Variants in SHISAL2B observed in about 807,000 individuals in gnomAD.
SHISAL2B encodes protein shisa-like-2B.
SHISAL2B carries 12 observed loss-of-function variants against 16.5 expected under a neutral mutation model. That is an observed-to-expected ratio of 0.73 (90% CI 0.47 to 1.18). The LOEUF (loss-of-function observed/expected upper bound fraction) is 1.18. SHISAL2B is among the 50% of genes most tolerant of loss of function. The probability of loss-of-function intolerance (pLI) is 0.00; values close to 1 mark genes in which losing one functional copy is unlikely to be tolerated. For synonymous variants in SHISAL2B, 72 were observed against 75.0 expected, an observed-to-expected ratio of 0.96 and a Z score of 0.21; for missense variants, 183 against 193.6, an observed-to-expected ratio of 0.95 and a Z score of 0.33.
intron 2 of SHISAL2B, among the ~76,000 whole-genome samples, chr5:64,706,063 G>A (rs1219370393): frequency 6.6e-6 from 1 of 152,198 alleles, no homozygotes; most frequent in African/African-American, 2.4e-5. Flanking sequence ...TGGGAGGCAA[G>A]GCAGGAGAAT....
chr5:64,694,524 G>A (rs927375586), intron 1 of SHISAL2B, among the ~76,000 whole-genome samples: 54 of 152,332 alleles, frequency 3.5e-4, no homozygotes, highest in African/African-American at 1.3e-3. Flanking sequence ...ATTAGACTTA[G>A]AGGTAACTGC....
chr5:64,714,649 C>A (rs1742015189), intron 2 of SHISAL2B, among the ~76,000 whole-genome samples: 1 of 152,170 alleles, frequency 6.6e-6, no homozygotes, highest in South Asian at 2.1e-4. Flanking sequence ...CTGGCTGCCG[C>A]CTTGCAGTTT....
intron 2 of SHISAL2B, among the ~76,000 whole-genome samples, chr5:64,708,621 T>C (rs1037809615): frequency 3.3e-5 from 5 of 152,192 alleles, no homozygotes; most frequent in Non-Finnish European, 7.4e-5. Context: ...AAACCTTGTA[T>C]ATTATTTGTT....
Position 64,690,802 on chromosome 5 carries a change from T to A in SHISAL2B, c.179T>A (p.Met60Lys), listed in dbSNP as rs772968495. The A allele has an allele frequency of 1.0e-4, 156 of 1,534,604 alleles. No homozygotes were observed. Among genetic ancestry groups the A allele is most frequent in the Non-Finnish European group, 1.2e-4 (142 of 1,146,618 alleles). Reference protein sequence around the residue: ...GSYFPYKHSYMWSLSIGALIG... With the variant: ...GSYFPYKHSYKWSLSIGALIG... ...TACTTCCCCTACAAGCACAGCTACA[T>A]GTGGAGCCTCAGGTGGGCTGAGAGC... The change falls in exon 1 of 3, where the codon ATG becomes AAG. Residue 60 changes from methionine to lysine, a missense_variant. Transcript: ENST00000389074.
intron 2 of SHISAL2B, among the ~76,000 whole-genome samples, chr5:64,697,233 CTA>C (rs902817381): frequency 6.6e-6 from 1 of 152,136 alleles, no homozygotes; most frequent in African/African-American, 2.4e-5. Context: ...TTGCATGACT[CTA>C]TATTGGCTAG....
At chr5:64,708,841 A>G (rs1356777919) in intron 2 of SHISAL2B, among the ~76,000 whole-genome samples, 1 of 152,154 alleles carries the variant, frequency 6.6e-6, no homozygotes, top group Non-Finnish European at 1.5e-5. Context: ...CATGTTTACA[A>G]GTAGAATATT....
Position 64,695,484 on chromosome 5 carries a change from T to G in SHISAL2B, c.192-23T>G, listed in dbSNP as rs1297267140. 3 of 1,512,254 alleles carry G rather than the reference T, an allele frequency of 2.0e-6. No individual in the cohort carries two copies. In the East Asian group the frequency reaches 7.4e-5, roughly 37 times the overall value. 93.7% of individuals were successfully genotyped at this position (1,512,254 alleles called of 1,614,324 possible). A position where few individuals can be genotyped will look rare whatever the true frequency, so the allele number is the denominator to read the frequency against. ...AGTGTGAACCACTTTGTGTGACACA[T>G]ATTTTTTTTCTGTTTTCCTCAGCAT... On this transcript the variant is annotated intron_variant, in intron 1 of 2. Coordinates refer to ENST00000389074, the MANE Select transcript of SHISAL2B (RefSeq NM_001164442.2).
At chr5:64,692,918 T>G (rs948194790) in intron 1 of SHISAL2B, among the ~76,000 whole-genome samples, 1 of 152,186 alleles carries the variant, frequency 6.6e-6, no homozygotes, top group African/African-American at 2.4e-5. Context: ...TAATAAGTAT[T>G]TATTGAAATG....
chr5:64,712,524 G>T (rs928734392), intron 2 of SHISAL2B, among the ~76,000 whole-genome samples: 2 of 150,796 alleles, frequency 1.3e-5, no homozygotes, highest in African/African-American at 2.4e-5. Flanking sequence ...TGTTGATTTG[G>T]GGTGGAGAGT....
intron 2 of SHISAL2B, among the ~76,000 whole-genome samples, chr5:64,704,241 T>C (rs1741847306): frequency 6.6e-6 from 1 of 152,218 alleles, no homozygotes; most frequent in Non-Finnish European, 1.5e-5. Context: ...AACATTCTTT[T>C]GATATTTTGA....
At chr5:64,695,480 C>G in intron 1 of SHISAL2B, 27 bp from the exon 2 acceptor site, 1 of 1,505,962 alleles carries the variant, frequency 6.6e-7, no homozygotes, top group Non-Finnish European at 8.9e-7. Context: ...CTTTGTGTGA[C>G]ACATATTTTT....
At chr5:64,692,560 C>T (rs1741665897) in intron 1 of SHISAL2B, among the ~76,000 whole-genome samples, 1 of 152,192 alleles carries the variant, frequency 6.6e-6, no homozygotes, top group Non-Finnish European at 1.5e-5. Context: ...TCTTTGCTCT[C>T]CACTCCTAAT....
chr5:64,691,824 A>G (rs895389522), intron 1 of SHISAL2B, among the ~76,000 whole-genome samples: 5 of 152,270 alleles, frequency 3.3e-5, no homozygotes, highest in Admixed American at 3.3e-4. Context: ...GTACATATTC[A>G]TTAGTTTATG....
chr5:64,697,643 A>G (rs1741757486), intron 2 of SHISAL2B, among the ~76,000 whole-genome samples: 1 of 152,094 alleles, frequency 6.6e-6, no homozygotes, highest in Non-Finnish European at 1.5e-5. Context: ...TATAAATGGA[A>G]TTTATCAAGA....
chr5:64,714,889 C>A (rs1742021534), intron 2 of SHISAL2B, among the ~76,000 whole-genome samples: 1 of 152,218 alleles, frequency 6.6e-6, no homozygotes, highest in African/African-American at 2.4e-5. Context: ...ATGCCTCGCC[C>A]TGCTTCAGCT....
At position 64,695,197 on chromosome 5, in the gene SHISAL2B, G is replaced by A. The variant is rs143821992; in HGVS notation, c.192-310G>A. On this transcript the variant is annotated intron_variant, in intron 1 of 2. Transcript: ENST00000389074. ...CGAGAATCACTTGAGCTCTGGAGGC[G>A]GAGGTTGCAGTGATCCAAGATTGTG... Among the ~76,000 whole-genome samples, 677 of 151,992 alleles carry A rather than the reference G, an allele frequency of 4.5e-3. 6 individuals are homozygous for A. Among genetic ancestry groups the A allele is most frequent in the African/African-American group, 0.016 (659 of 41,434 alleles).
chr5:64,712,293 T>G (rs1443194366), intron 2 of SHISAL2B, among the ~76,000 whole-genome samples: 140 of 152,242 alleles, frequency 9.2e-4, no homozygotes, highest in Non-Finnish European at 1.9e-4. Flanking sequence ...CATTTCGTTA[T>G]GTACCCAGTA....
At position 64,690,764 on chromosome 5, in the gene SHISAL2B, C is replaced by A. The variant is rs887027522; in HGVS notation, c.141C>A (p.Ser47Arg). 2 of 1,543,444 alleles carry A rather than the reference C, an allele frequency of 1.3e-6. No individual in the cohort carries two copies. Among genetic ancestry groups the A allele is most frequent in the African/African-American group, 1.4e-5 (1 of 72,872 alleles). Reference protein sequence around the residue: ...CGFADLKYCCSEPGSYFPYKH... With the variant: ...CGFADLKYCCREPGSYFPYKH... Reference sequence around the variant, plus strand: ...TCGCCGACCTCAAGTACTGCTGCAGCGAGCCGGGCAGCTACTTCCCCTACA... The same window carrying A: ...TCGCCGACCTCAAGTACTGCTGCAGAGAGCCGGGCAGCTACTTCCCCTACA... Residue 47 changes from serine (S) to arginine (R), a missense_variant, in exon 1 of 3, where the codon AGC becomes AGA. Transcript: ENST00000389074.
intron 2 of SHISAL2B, among the ~76,000 whole-genome samples, chr5:64,698,594 G>C (rs1741769506): frequency 1.3e-5 from 2 of 152,040 alleles, no homozygotes; most frequent in South Asian, 2.1e-4. Flanking sequence ...CTCTCCCCTG[G>C]TTACCCTATC....
Sources: gnomAD v4.1 joint callset for allele counts (sites outside exome capture counted in the v4.1 genomes callset) on GRCh38, gnomAD v4.1.1 for gene constraint, MANE v1.5 for transcripts, NCBI Gene and HGNC (gene_info 2026-07-23, HGNC 2026-07-21) for gene names.